The following ADGRB2 variants were observed in gnomAD, a reference collection of about 807,000 sequenced individuals.
ADGRB2 encodes the protein adhesion G protein-coupled receptor B2, also known as brain-specific angiogenesis inhibitor 2.
A neutral mutation model predicts 178.7 loss-of-function variants in ADGRB2; 47 were observed. The observed-to-expected ratio is 0.26, with a 90% CI of 0.21 to 0.34. ADGRB2 has a LOEUF of 0.34. Ranked by LOEUF, ADGRB2 falls within the 10% of genes least tolerant of loss-of-function variation. ADGRB2 has a pLI of 1.00. For missense variants in ADGRB2, 1,584 were observed against 2,180.8 expected, an observed-to-expected ratio of 0.73 and a Z score of 5.45; for synonymous variants, 870 against 912.4, an observed-to-expected ratio of 0.95 and a Z score of 0.84.
intron 1 of ADGRB2, among the ~76,000 whole-genome samples, chr1:31,762,100 T>C (rs144176547): frequency 8.2e-4 from 124 of 152,128 alleles, no homozygotes; most frequent in African/African-American, 2.9e-3. Context: ...AGATACCAGA[T>C]GGAACCTCAC....
intron 1 of ADGRB2, among the ~76,000 whole-genome samples, chr1:31,763,303 G>T (rs938187259): frequency 1.1e-4 from 17 of 151,628 alleles, no homozygotes; most frequent in African/African-American, 4.1e-4. Flanking sequence ...AGATATGGGG[G>T]AGGGGGCGCT....
chr1:31,733,214 A>G lies in ADGRB2; in HGVS notation c.3453-71T>C. On this transcript the variant is annotated intron_variant, in intron 25 of 32. Transcript: ENST00000373658. The surrounding 1 kb of genome is among the most constrained non-coding windows in gnomAD (Gnocchi z 4.3). The stretch of plus-strand genomic sequence containing the variant: ...CAGGATGGCTTGAGCCTAGGCCTCC[A>G]CTCAGCTGGAGCTCTTCAGCTGCCC... The G allele has an allele frequency of 1.3e-6, 2 of 1,494,442 alleles. No individual in the cohort carries two copies. 92.6% of individuals were successfully genotyped at this position (1,494,442 alleles called of 1,614,324 possible).
rs1405386251 is a variant in ADGRB2, at chr1:31,755,967, C to G, written c.838+32G>C. On this transcript the variant is annotated intron_variant, in intron 4 of 32. Coordinates refer to ENST00000373658, the MANE Select transcript of ADGRB2 (RefSeq NM_001364857.2). The surrounding 1 kb of genome is among the most constrained non-coding windows in gnomAD (Gnocchi z 5.1). Reference sequence around the variant, plus strand: ...CAGGGACACTGTCAGCCCCTGCAGACCCCGCCCCACCCAGGCCCTGCTGAG... The same window carrying G: ...CAGGGACACTGTCAGCCCCTGCAGAGCCCGCCCCACCCAGGCCCTGCTGAG... 2 of 1,573,302 alleles carry G rather than the reference C, an allele frequency of 1.3e-6. No individual in the cohort carries two copies. The highest frequency in any genetic ancestry group is 1.2e-5 in the South Asian group (1 of 84,306).
chr1:31,735,647 T>C lies in ADGRB2; in HGVS notation c.3286A>G (p.Ile1096Val), dbSNP rs924066171. The change falls in exon 24 of 33, where the codon ATC becomes GTC. Residue 1096 changes from isoleucine (I) to valine (V), a missense_variant. Physicochemically the swap from Ile to Val is conservative, Grantham distance 29. Coordinates refer to ENST00000373658, the MANE Select transcript of ADGRB2 (RefSeq NM_001364857.2). The surrounding 1 kb of genome is among the most constrained non-coding windows in gnomAD (Gnocchi z 6.0). ...GCCATGAGCTTGTTGAAGACGATGA[T>C]TCCGATGAGCATGTTCACCTGGGGG... ...VIVLVNMLIG[I>V]IVFNKLMARD... is the part of the protein sequence containing the mutation. 8.7e-6 allele frequency: 14 copies of C among 1,604,268 alleles called. No individual in the cohort carries two copies. In the East Asian group the frequency reaches 1.3e-4, roughly 15 times the overall value.
chr1:31,741,468 G>A lies in ADGRB2; in HGVS notation c.1699C>T (p.Arg567Cys), dbSNP rs1470269326. 2 of 1,592,868 alleles carry A rather than the reference G, an allele frequency of 1.3e-6. No individual in the cohort carries two copies. Among genetic ancestry groups the A allele is most frequent in the Non-Finnish European group, 1.7e-6 (2 of 1,169,642 alleles). The change falls in exon 11 of 33, where the codon CGC (arginine) becomes TGC (cysteine). Residue 567 changes from arginine (R) to cysteine (C), a missense_variant. Around this residue, in one of 3 missense-constraint regions of ADGRB2, gnomAD observed 657 missense variants for 847.6 expected, o/e 0.78. Coordinates refer to ENST00000373658, the MANE Select transcript of ADGRB2 (RefSeq NM_001364857.2). This position sits in a 1 kb window ranked among gnomAD's most constrained non-coding sequence, Gnocchi z 6.5. ...CCTTGGGCACTGAGGAGACAGCGGC[G>A]GCTGGCAGACCCTGCAGGGCAATAG... ...CPPNASGSASRRCLLSAQGVA... is the reference protein window; with the variant it reads ...CPPNASGSASCRCLLSAQGVA...
rs1454095043 is a variant in ADGRB2, at chr1:31,760,167, G to A, written c.-190-2656C>T. 3.3e-5 allele frequency among the ~76,000 whole-genome samples: 5 copies of A among 152,164 alleles called. No individual in the cohort carries two copies. In the East Asian group the frequency reaches 7.7e-4, roughly 23 times the overall value. On this transcript the variant is annotated intron_variant, in intron 1 of 32. Transcript: ENST00000373658. ...CCATCCCTGCACAAGAGTTAGATAGGAGAGGTACTAAAGTCAGCTCTGAGG... is the reference window on the plus strand; with the variant it reads ...CCATCCCTGCACAAGAGTTAGATAGAAGAGGTACTAAAGTCAGCTCTGAGG...
Position 31,731,160 on chromosome 1 carries a change from C to T in ADGRB2, c.4020G>A (p.Leu1340=). ...CCTCAGAGCCTGGCTCAGTGGGCCG[C>T]AGCCATGTGAGGTCCAGCTGCCGCA... ...GGLRQLDLTW[L]RPTEPGSEGD... The change falls in exon 29 of 33, where the codon CTG becomes CTA. Residue 1340 remains leucine (L), a synonymous_variant. Transcript: ENST00000373658. 6.3e-7 allele frequency: 1 copy of T among 1,597,968 alleles called. No homozygotes were observed.
chr1:31,756,222 A>G lies in ADGRB2; in HGVS notation c.615T>C (p.Ser205=). 1 of 1,613,478 alleles carries G rather than the reference A, an allele frequency of 6.2e-7. No individual in the cohort carries two copies. ...TGCCGGCAGCGCGGCCACACTCCTCACTCCAGCGGCAGAGCACACCACAGG... is the reference window on the plus strand; with the variant it reads ...TGCCGGCAGCGCGGCCACACTCCTCGCTCCAGCGGCAGAGCACACCACAGG... ...QFTCGVLCRW[S]EECGRAAGRA... is the part of the protein sequence containing the mutation. Residue 205 remains serine, a synonymous_variant, in exon 4 of 33, where the codon AGT becomes AGC. Coordinates refer to ENST00000373658, the MANE Select transcript of ADGRB2 (RefSeq NM_001364857.2). The surrounding 1 kb of genome is among the most constrained non-coding windows in gnomAD (Gnocchi z 8.5).
At position 31,755,325 on chromosome 1, in the gene ADGRB2, G is replaced by A. The variant is rs1005891893; in HGVS notation, c.838+674C>T. On this transcript the variant is annotated intron_variant, in intron 4 of 32. Coordinates refer to ENST00000373658, the MANE Select transcript of ADGRB2 (RefSeq NM_001364857.2). This position sits in a 1 kb window ranked among gnomAD's most constrained non-coding sequence, Gnocchi z 5.1. ...GGACTCAAGGGCTCGCAGAGCTTTT[G>A]CCCAGTCAGCAGGAAGCTCTAGCAG... Among the ~76,000 whole-genome samples the A allele has an allele frequency of 5.9e-5, 9 of 152,178 alleles. No individual in the cohort carries two copies.
chr1:31,734,964 G>A (rs1017415994), intron 25 of ADGRB2, among the ~76,000 whole-genome samples: 8 of 152,156 alleles, frequency 5.3e-5, no homozygotes, highest in African/African-American at 1.7e-4. Context: ...CCAAGGGTGG[G>A]CGAAGGAACC....
intron 25 of ADGRB2, among the ~76,000 whole-genome samples, chr1:31,734,939 G>A (rs1166130912): frequency 6.6e-6 from 1 of 152,214 alleles, no homozygotes; most frequent in Non-Finnish European, 1.5e-5. Context: ...CTGGGAGTGA[G>A]GGCAGGGGCG....
chr1:31,746,557 C>G (rs994369192), intron 4 of ADGRB2, among the ~76,000 whole-genome samples: 9 of 152,276 alleles, frequency 5.9e-5, no homozygotes, highest in African/African-American at 9.6e-5. Context: ...GCTGGGCGCC[C>G]GGGACTTCTC....
At chr1:31,738,421 A>G (rs971086653) in intron 17 of ADGRB2, 95 bp from the exon 18 acceptor site, 37 of 1,576,904 alleles carry the variant, frequency 2.3e-5, no homozygotes, top group Non-Finnish European at 3.2e-5. Flanking sequence ...AATCCACAGT[A>G]AGGCCACATC....
chr1:31,759,667 A>G lies in ADGRB2; in HGVS notation c.-190-2156T>C, dbSNP rs1646985697. On this transcript the variant is annotated intron_variant, in intron 1 of 32. Transcript: ENST00000373658. The surrounding 1 kb of genome is among the most constrained non-coding windows in gnomAD (Gnocchi z 4.3). ...ATAAGACCTTTTGGGGCGCCTTTTT[A>G]TATTACTTCCCACCATTCAAAATAA... 6.6e-6 allele frequency among the ~76,000 whole-genome samples: 1 copy of G among 152,084 alleles called. No homozygotes were observed. Among genetic ancestry groups the G allele is most frequent in the African/African-American group, 2.4e-5 (1 of 41,398 alleles).
At chr1:31,729,049 C>A (rs1362012204) in intron 29 of ADGRB2, among the ~76,000 whole-genome samples, 1 of 152,130 alleles carries the variant, frequency 6.6e-6, no homozygotes, top group Admixed American at 6.5e-5. Flanking sequence ...TTTCAGAAAC[C>A]TTCCTTTGAC....
At position 31,727,516 on chromosome 1, in the gene ADGRB2, C is replaced by T. The variant is rs770809429; in HGVS notation, c.4662G>A (p.Ser1554=). The T allele has an allele frequency of 6.3e-6, 10 of 1,596,372 alleles. No individual in the cohort carries two copies. Among genetic ancestry groups the T allele is most frequent in the Non-Finnish European group, 7.7e-6 (9 of 1,175,166 alleles). The change falls in exon 33 of 33, where the codon TCG becomes TCA. Residue 1554 remains serine, a synonymous_variant. Coordinates refer to ENST00000373658, the MANE Select transcript of ADGRB2 (RefSeq NM_001364857.2). This position sits in a 1 kb window ranked among gnomAD's most constrained non-coding sequence, Gnocchi z 4.4. ...GCCGTTCTCGGGGCTTGGGGGGCAG[C>T]GAGCCCAGTGTCATAGATTTGAAGG... ...WSTFKSMTLG[S]LPPKPRERLT... is the part of the protein sequence containing the mutation.
In ADGRB2 at chr1:31,755,791, C is replaced by T. The variant is rs1342978890; in HGVS notation, c.838+208G>A. 3.9e-5 allele frequency among the ~76,000 whole-genome samples: 6 copies of T among 152,024 alleles called. No homozygotes were observed. The South Asian group carries it at 6.2e-4, about 16-fold the overall frequency. On this transcript the variant is annotated intron_variant, in intron 4 of 32. Coordinates refer to ENST00000373658, the MANE Select transcript of ADGRB2 (RefSeq NM_001364857.2). The surrounding 1 kb of genome is among the most constrained non-coding windows in gnomAD (Gnocchi z 5.1). ...ATCACCCTGCATTATCTGATCTGTG[C>T]CCCCATTCATCTAGCCAGTCTGCAA...
At chr1:31,730,717 G>C (rs1015355625) in intron 29 of ADGRB2, 83 bp downstream of exon 29, 1 of 1,393,596 alleles carries the variant, frequency 7.2e-7, no homozygotes, top group East Asian at 2.5e-5. Context: ...GCCGCTCTGG[G>C]GAGGATGAGG....
chr1:31,749,968 G>A (rs1570005436), intron 4 of ADGRB2, among the ~76,000 whole-genome samples: 1 of 151,950 alleles, frequency 6.6e-6, no homozygotes, highest in East Asian at 1.9e-4. Context: ...GAAAGAAAGA[G>A]AAAAAGAACA....
Sources: allele counts gnomAD v4.1 joint callset (sites outside exome capture counted in the v4.1 genomes callset), GRCh38; gene constraint gnomAD v4.1.1; regional missense constraint gnomAD v4.1.1; non-coding constraint Gnocchi (gnomAD v3.1); transcripts MANE v1.5; gene names NCBI Gene and HGNC (gene_info 2026-07-23, HGNC 2026-07-21).